The following CNIH1 variants were observed in gnomAD, a reference collection of about 807,000 sequenced individuals.
The protein encoded by CNIH1 is protein cornichon homolog 1.
Under a neutral mutation model 20.2 loss-of-function variants are expected in CNIH1, and 12 were observed. The observed-to-expected ratio is 0.59, with a 90% CI of 0.38 to 0.96. The LOEUF (loss-of-function observed/expected upper bound fraction) is 0.96, where lower values mean the gene tolerates loss of function less well. Ranked by LOEUF, CNIH1 falls within the 40% of genes least tolerant of loss-of-function variation. The probability of loss-of-function intolerance (pLI) is 0.00; values close to 1 mark genes in which losing one functional copy is unlikely to be tolerated. For missense variants in CNIH1, 152 were observed against 178.8 expected (o/e 0.85, Z 0.85); for synonymous variants, 69 against 63.3 (o/e 1.09, Z -0.43).
At chr14:54,441,066 G>A (rs2031162551) in intron 1 of CNIH1, among the ~76,000 whole-genome samples, 181 bp downstream of exon 1, 2 of 151,668 alleles carry the variant, frequency 1.3e-5, no homozygotes, top group South Asian at 4.1e-4. Flanking sequence ...CCTGGCGACT[G>A]CGCGCCCCGG....
chr14:54,427,870 G>A (rs777795751), intron 4 of CNIH1, 29 bp from the exon 5 acceptor site: 2 of 1,606,448 alleles, frequency 1.2e-6, no homozygotes, highest in Admixed American at 3.3e-5. Context: ...ATGTTAATTT[G>A]AACATTACTA....
At chr14:54,439,169 T>C (rs1404450233) in intron 1 of CNIH1, among the ~76,000 whole-genome samples, 4 of 152,242 alleles carry the variant, frequency 2.6e-5, no homozygotes, top group Non-Finnish European at 5.9e-5. Flanking sequence ...CATAAGGTTA[T>C]ATGGGTAATA....
chr14:54,430,539 T>G, intron 3 of CNIH1, 135 bp from the exon 4 acceptor site: 1 of 770,300 alleles, frequency 1.3e-6, no homozygotes, highest in Non-Finnish European at 2.0e-6. Flanking sequence ...ATGGGTAAAA[T>G]GCTTTCCTTT....
intron 1 of CNIH1, among the ~76,000 whole-genome samples, chr14:54,438,666 A>G (rs2031104135): frequency 6.6e-6 from 1 of 152,244 alleles, no homozygotes; most frequent in South Asian, 2.1e-4. Context: ...TAATGTAAAT[A>G]AGATTTTTGG....
chr14:54,438,378 A>C (rs930763587), intron 1 of CNIH1, among the ~76,000 whole-genome samples: 2 of 152,204 alleles, frequency 1.3e-5, no homozygotes, highest in African/African-American at 4.8e-5. Context: ...ATGATTTTCA[A>C]ATCTTTTTGC....
At position 54,429,338 on chromosome 14, in the gene CNIH1, C is replaced by T. The variant is rs145710283; in HGVS notation, c.407+923G>A. On this transcript the variant is annotated intron_variant, in intron 4 of 4. Coordinates refer to ENST00000216416, the MANE Select transcript of CNIH1 (RefSeq NM_005776.3). ...AACTAGTGGGTAAAGGCCAGGGATG[C>T]TGCTGAACGTCCCATGATATACAGG... Among the ~76,000 whole-genome samples the T allele has an allele frequency of 4.1e-3, 620 of 152,290 alleles. 5 individuals are homozygous for T. The highest frequency in any genetic ancestry group is 7.5e-3 in the South Asian group (36 of 4,832).
chr14:54,434,750 TTTC>T (rs1374470426), intron 2 of CNIH1, among the ~76,000 whole-genome samples: 1 of 152,188 alleles, frequency 6.6e-6, no homozygotes, highest in African/African-American at 2.4e-5. Context: ...GAAATTTCAG[TTTC>T]TTCATTTCCT....
intron 4 of CNIH1, 107 bp downstream of exon 4, chr14:54,430,154 A>G (rs1037558227): frequency 1.7e-6 from 2 of 1,182,372 alleles, no homozygotes; most frequent in African/African-American, 1.5e-5. Context: ...CACACTTAAG[A>G]CACTAAGTTA....
rs977248348 is a variant in CNIH1 at position 54,426,235 on chromosome 14, T to C, written c.*1579A>G. 6.6e-6 allele frequency: 1 copy of C among 152,194 alleles called. No homozygotes were observed. Among genetic ancestry groups the C allele is most frequent in the Non-Finnish European group, 1.5e-5 (1 of 68,026 alleles). 9.4% of individuals were successfully genotyped at this position (152,194 alleles called of 1,614,324 possible). A position where few individuals can be genotyped will look rare whatever the true frequency, so the allele number is the denominator to read the frequency against. On this transcript the variant is annotated 3_prime_UTR_variant, in exon 5 of 5. Transcript: ENST00000216416. ...AACAGTTTGAGTCTCTTCACTCTTCTGGTTCTAAATCTCTTCCTCAACATA... is the reference window on the plus strand; with the variant it reads ...AACAGTTTGAGTCTCTTCACTCTTCCGGTTCTAAATCTCTTCCTCAACATA...
chr14:54,436,478 T>A, intron 1 of CNIH1, 41 bp from the exon 2 acceptor site: 1 of 1,119,298 alleles, frequency 8.9e-7, no homozygotes, highest in Non-Finnish European at 1.3e-6. Context: ...TCACTTTAAT[T>A]AAAAGCAGCA....
intron 4 of CNIH1, 123 bp from the exon 5 acceptor site, chr14:54,427,964 A>G: frequency 4.3e-6 from 4 of 931,980 alleles, no homozygotes; most frequent in East Asian, 2.5e-5. Flanking sequence ...ACTAATGACA[A>G]GTTCACAGTG....
intron 1 of CNIH1, among the ~76,000 whole-genome samples, chr14:54,440,329 A>C (rs1332822172): frequency 6.6e-6 from 1 of 152,210 alleles, no homozygotes; most frequent in Non-Finnish European, 1.5e-5. Flanking sequence ...ATTTTTAATG[A>C]ATGATTTCCA....
At chr14:54,436,503 T>C in intron 1 of CNIH1, 66 bp from the exon 2 acceptor site, 1 of 812,678 alleles carries the variant, frequency 1.2e-6, no homozygotes, top group Non-Finnish European at 2.1e-6. Context: ...ACCTGCCCCA[T>C]CTTCAAATAA....
intron 2 of CNIH1, among the ~76,000 whole-genome samples, chr14:54,433,404 A>T (rs1227608133): frequency 6.6e-6 from 1 of 151,572 alleles, no homozygotes; most frequent in African/African-American, 2.4e-5. Context: ...TTTTAAAAAA[A>T]ATCCAGGTAA....
rs962806440 is a variant in CNIH1, at chr14:54,441,310, C to A, written c.18G>T (p.Ala6=). 1.3e-6 allele frequency: 2 copies of A among 1,516,666 alleles called. No homozygotes were observed. The highest frequency in any genetic ancestry group is 1.8e-6 in the Non-Finnish European group (2 of 1,128,576). The allele number at this position is 1,516,666 out of a possible 1,614,324, so 94.0% of individuals were successfully genotyped here. MAFTF[A]AFCYMLALLL... ...GCAGCGCCAGCATGTAGCAGAAGGC[C>A]GCGAACGTGAACGCCATGGCTGGGG... The change falls in exon 1 of 5, where the codon GCG becomes GCT. Residue 6 remains alanine, a synonymous_variant. Transcript: ENST00000216416.
intron 1 of CNIH1, among the ~76,000 whole-genome samples, chr14:54,437,006 C>T (rs556289929): frequency 3.9e-5 from 6 of 152,328 alleles, no homozygotes; most frequent in Admixed American, 6.5e-5. Context: ...CATGCTCCTC[C>T]TCCCTTGGCA....
At chr14:54,431,008 T>C (rs2030931417) in intron 3 of CNIH1, among the ~76,000 whole-genome samples, 2 of 152,146 alleles carry the variant, frequency 1.3e-5, no homozygotes, top group Admixed American at 1.3e-4. Flanking sequence ...ATTTTTTTTG[T>C]AGAGGGGGGT....
chr14:54,428,668 A>AC (rs1164518717), intron 4 of CNIH1, among the ~76,000 whole-genome samples: 3 of 152,226 alleles, frequency 2.0e-5, no homozygotes, highest in African/African-American at 7.2e-5. Context: ...TGCCTATCAT[A>AC]CACCAGCCCG....
chr14:54,437,001 T>C (rs138273529), intron 1 of CNIH1, among the ~76,000 whole-genome samples: 2 of 152,188 alleles, frequency 1.3e-5, no homozygotes, highest in Non-Finnish European at 2.9e-5. Flanking sequence ...CTGTGCATGC[T>C]CCTCCTCCCT....
Sources: allele counts gnomAD v4.1 joint callset (sites outside exome capture counted in the v4.1 genomes callset), GRCh38; gene constraint gnomAD v4.1.1; transcripts MANE v1.5; gene names NCBI Gene and HGNC (gene_info 2026-07-23, HGNC 2026-07-21).